The following SSUH2 variants were observed in gnomAD, a reference collection of about 807,000 sequenced individuals.
SSUH2 encodes the protein protein SSUH2 homolog.
Under a neutral mutation model 55.3 loss-of-function variants are expected in SSUH2, and 47 were observed. The observed-to-expected ratio is 0.85, with a 90% CI of 0.67 to 1.08. The LOEUF (loss-of-function observed/expected upper bound fraction) is 1.08, where lower values mean the gene tolerates loss of function less well. SSUH2 is among the 50% of genes least tolerant of loss of function. The pLI is 0.00. For missense variants in SSUH2, 535 were observed against 490.7 expected, an observed-to-expected ratio of 1.09 and a Z score of -0.85; for synonymous variants, 212 against 191.5, an observed-to-expected ratio of 1.11 and a Z score of -0.89.
intron 1 of SSUH2, chr3:8,681,861 A>G (rs6784059): frequency 0.32 from 52,153 of 163,074 alleles, 8,684 homozygotes; most frequent in African/African-American, 0.36. Flanking sequence ...TAGGAACCCC[A>G]TCGCAGATCC....
intron 4 of SSUH2, 69 bp from the exon 5 acceptor site, chr3:8,632,178 G>T: frequency 7.3e-7 from 1 of 1,375,026 alleles, no homozygotes; most frequent in Non-Finnish European, 1.0e-6. Context: ...GCAAAAAGAT[G>T]AAGCTGTTAC....
rs1559296584 is a variant in SSUH2, at chr3:8,625,621, G to A, written c.794C>T (p.Ser265Phe). 1.9e-6 allele frequency: 3 copies of A among 1,613,868 alleles called. No individual in the cohort carries two copies. Among genetic ancestry groups the A allele is most frequent in the Non-Finnish European group, 2.5e-6 (3 of 1,179,794 alleles). The change falls in exon 10 of 12, where the codon TCT (serine) becomes TTT (phenylalanine). Residue 265 changes from serine to phenylalanine, a missense_variant. Transcript: ENST00000544814. The stretch of plus-strand genomic sequence containing the variant: ...CCTGGGGCAGTTGAGCCGGTGCTCA[G>A]ACACAAACTCAAACAAGCTGTTCTT... ...MWKNSLFEFV[S>F]EHRLNCPREL...
At chr3:8,681,013 G>C (rs539215382) in intron 1 of SSUH2, among the ~76,000 whole-genome samples, 1 of 150,172 alleles carries the variant, frequency 6.7e-6, no homozygotes, top group Non-Finnish European at 1.5e-5. Flanking sequence ...AGTGGGGGAG[G>C]CAACCTCCAA....
chr3:8,637,302 C>T (rs1471594987), intron 1 of SSUH2, among the ~76,000 whole-genome samples: 2 of 152,160 alleles, frequency 1.3e-5, no homozygotes, highest in Admixed American at 6.5e-5. Flanking sequence ...AAAAATCATT[C>T]ACTACGTATC....
In SSUH2 at chr3:8,663,930, T is replaced by C. The variant is rs1005945275; in HGVS notation, c.-454-128A>G. On this transcript the variant is annotated intron_variant, in intron 5 of 18. Coordinates refer to the SSUH2 transcript ENST00000317371. ...CTGCTTTCTGAGTAAGATAAAAATA[T>C]TTTCCTTGGTTAGACAGTGAGGGAT... The C allele has an allele frequency of 1.4e-5, 6 of 431,068 alleles. No individual in the cohort carries two copies. The East Asian group carries it at 4.3e-4, about 31-fold the overall frequency. The allele number at this position is 431,068 out of a possible 1,614,324, so 26.7% of individuals were successfully genotyped here.
intron 6 of SSUH2, chr3:8,659,865 G>A (rs1703304286): frequency 2.2e-6 from 1 of 450,952 alleles, no homozygotes; most frequent in Non-Finnish European, 4.5e-6. Context: ...AAATGCTATG[G>A]AAAGTGGCAT....
At chr3:8,637,263 T>G (rs1700073633) in intron 1 of SSUH2, among the ~76,000 whole-genome samples, 1 of 152,182 alleles carries the variant, frequency 6.6e-6, no homozygotes, top group Non-Finnish European at 1.5e-5. Context: ...TGGAGTAGTA[T>G]CTGTACTTTT....
upstream of SSUH2, among the ~76,000 whole-genome samples, chr3:8,645,675 C>T (rs747369234): frequency 6.6e-6 from 1 of 152,152 alleles, no homozygotes; most frequent in African/African-American, 2.4e-5. Context: ...CAGCAATGCA[C>T]GTGGGATGTG....
At chr3:8,633,448 C>A (rs1353056371) in intron 4 of SSUH2, among the ~76,000 whole-genome samples, 1 of 152,232 alleles carries the variant, frequency 6.6e-6, no homozygotes, top group African/African-American at 2.4e-5. Context: ...GCATGAGCCG[C>A]CGCACCCGGC....
intron 5 of SSUH2, among the ~76,000 whole-genome samples, chr3:8,668,958 G>C (rs1704254896): frequency 1.4e-5 from 2 of 146,442 alleles, no homozygotes; most frequent in African/African-American, 5.0e-5. Context: ...GGGAGGGAGG[G>C]AGGGAAGGAA....
At chr3:8,628,710 G>A (rs1271994050) in intron 7 of SSUH2, among the ~76,000 whole-genome samples, 1 of 152,190 alleles carries the variant, frequency 6.6e-6, no homozygotes, top group African/African-American at 2.4e-5. Context: ...CACCAAGGAC[G>A]GCCCGCAGCT....
At chr3:8,635,899 G>T (rs1304224913) in intron 1 of SSUH2, 42 bp from the exon 2 acceptor site, 2 of 1,465,304 alleles carry the variant, frequency 1.4e-6, no homozygotes, top group South Asian at 1.2e-5. Context: ...GTAGGGAGGC[G>T]AGGGCTGATG....
At chr3:8,653,263 C>T (rs1702609735) in intron 7 of SSUH2, among the ~76,000 whole-genome samples, 1 of 152,180 alleles carries the variant, frequency 6.6e-6, no homozygotes, top group African/African-American at 2.4e-5. Flanking sequence ...TCATTGTCCT[C>T]TTTTATTTAC....
At chr3:8,668,772 T>C (rs1158843307) in intron 5 of SSUH2, among the ~76,000 whole-genome samples, 1 of 152,210 alleles carries the variant, frequency 6.6e-6, no homozygotes, top group African/African-American at 2.4e-5. Flanking sequence ...AGGGATTTCA[T>C]GAGTCTCTTT....
At chr3:8,670,683 T>C (rs1017000962) in intron 5 of SSUH2, among the ~76,000 whole-genome samples, 2 of 151,972 alleles carry the variant, frequency 1.3e-5, no homozygotes, top group African/African-American at 4.8e-5. Flanking sequence ...GTACATGCAT[T>C]GTGACCTTCC....
At position 8,627,708 on chromosome 3, in the gene SSUH2, C is replaced by A; in HGVS notation, c.664G>T (p.Gly222Cys). ...GGGAGATGCCCCTACCTTCGCCTGC[C>A]GGACCCCGCGCACAGCTGACATCTC... ...SRRCQLCAGS[G>C]RRRCSTCSGR... Residue 222 changes from glycine (G) to cysteine (C), a missense_variant, in exon 8 of 12, where the codon GGC becomes TGC. By Grantham distance (159) the Gly-to-Cys change is radical. Coordinates refer to ENST00000544814, the MANE Select transcript of SSUH2 (RefSeq NM_001256748.3). 6.3e-7 allele frequency: 1 copy of A among 1,592,768 alleles called. No individual in the cohort carries two copies. The highest frequency in any genetic ancestry group is 1.1e-5 in the South Asian group (1 of 88,804).
intron 5 of SSUH2, 23 bp downstream of exon 5, chr3:8,632,026 C>A: frequency 6.2e-7 from 1 of 1,606,742 alleles, no homozygotes; most frequent in Non-Finnish European, 8.5e-7. Flanking sequence ...CCCAGTTAAA[C>A]TAATTTCAGA....
chr3:8,653,992 AC>A (rs2125332749), intron 7 of SSUH2, among the ~76,000 whole-genome samples: 1 of 152,322 alleles, frequency 6.6e-6, no homozygotes, highest in Admixed American at 6.5e-5. Flanking sequence ...AACAGCAGGC[AC>A]TTGTATTAGT....
chr3:8,630,636 T>C (rs771799054), intron 6 of SSUH2, among the ~76,000 whole-genome samples, 169 bp downstream of exon 6: 50 of 152,320 alleles, frequency 3.3e-4, no homozygotes, highest in Non-Finnish European at 4.1e-4. Flanking sequence ...TGGGACTACA[T>C]TCCATATACC....
Sources: allele counts gnomAD v4.1 joint callset (sites outside exome capture counted in the v4.1 genomes callset), GRCh38; gene constraint gnomAD v4.1.1; transcripts MANE v1.5; gene names NCBI Gene and HGNC (gene_info 2026-07-23, HGNC 2026-07-21).